The following PTGER3 variants were observed in gnomAD, a reference collection of about 807,000 sequenced individuals.
PTGER3 encodes prostaglandin E2 receptor EP3 subtype.
PTGER3 carries 22 observed loss-of-function variants against 34.7 expected under a neutral mutation model. The ratio of observed to expected loss-of-function variants is 0.63; its 90% CI spans 0.45 to 0.91. PTGER3 has a LOEUF of 0.91. Among genes scored for constraint, PTGER3 ranks in the 40% least tolerant of loss-of-function variants. The pLI is 0.00. For synonymous variants in PTGER3, 241 were observed against 230.1 expected (o/e 1.05, Z -0.43); for missense variants, 468 against 519.4 (o/e 0.90, Z 0.96).
chr1:70,973,888 T>C (rs1653401614), intron 3 of PTGER3, among the ~76,000 whole-genome samples: 1 of 152,204 alleles, frequency 6.6e-6, no homozygotes, highest in Admixed American at 6.5e-5. Context: ...TTATTCAAAA[T>C]AGATCTAATC....
intron 4 of PTGER3, among the ~76,000 whole-genome samples, chr1:70,944,590 G>C (rs916940453): frequency 6.6e-6 from 1 of 152,070 alleles, no homozygotes; most frequent in Non-Finnish European, 1.5e-5. Flanking sequence ...AAAAAGTCCA[G>C]ATAAACATGG....
chr1:70,924,746 G>A (rs961898057), intron 4 of PTGER3, among the ~76,000 whole-genome samples: 1 of 152,048 alleles, frequency 6.6e-6, no homozygotes, highest in East Asian at 1.9e-4. Context: ...AAATTAAATG[G>A]CTGCTCTGTC....
intron 4 of PTGER3, among the ~76,000 whole-genome samples, chr1:70,938,212 T>C (rs1649419257): frequency 6.6e-6 from 1 of 152,148 alleles, no homozygotes; most frequent in South Asian, 2.1e-4. Context: ...CATCAGAAGC[T>C]AATACATCAA....
rs747095685 is a variant in PTGER3 at position 70,852,832 on chromosome 1, G to C, written c.*51C>G. 4 of 1,613,192 alleles carry C rather than the reference G, an allele frequency of 2.5e-6. No individual in the cohort carries two copies. In the Admixed American group the frequency reaches 5.0e-5, roughly 20 times the overall value. Reference sequence around the variant, plus strand: ...CCAGTGATGTGATCCTGGCAGAAAGGCAGGTTTTAATTTCCCCAAAATTCC... The same window carrying C: ...CCAGTGATGTGATCCTGGCAGAAAGCCAGGTTTTAATTTCCCCAAAATTCC... On this transcript the variant is annotated 3_prime_UTR_variant, in exon 5 of 5. Transcript: ENST00000370931.
intron 4 of PTGER3, among the ~76,000 whole-genome samples, chr1:70,886,926 C>A (rs1646511058): frequency 1.3e-5 from 2 of 152,186 alleles, no homozygotes; most frequent in Non-Finnish European, 2.9e-5. Context: ...CTTCTCCTCA[C>A]TGCTTAGAAG....
intron 4 of PTGER3, among the ~76,000 whole-genome samples, chr1:70,875,986 CT>C (rs1471175030): frequency 6.6e-6 from 1 of 152,116 alleles, no homozygotes; most frequent in Non-Finnish European, 1.5e-5. Flanking sequence ...ATTGATAATT[CT>C]GTTTTAAGTT....
chr1:70,976,672 T>C (rs1653736337), intron 2 of PTGER3, among the ~76,000 whole-genome samples: 1 of 152,166 alleles, frequency 6.6e-6, no homozygotes, highest in Non-Finnish European at 1.5e-5. Context: ...AGTTTCCCAT[T>C]TCTAAAAGAT....
At chr1:71,033,827 C>T (rs1433227908) in intron 1 of PTGER3, among the ~76,000 whole-genome samples, 1 of 152,088 alleles carries the variant, frequency 6.6e-6, no homozygotes, top group Non-Finnish European at 1.5e-5. Context: ...CAATAAGTGT[C>T]TGCTAAATAA....
At chr1:70,866,232 T>C (rs993604939) in intron 4 of PTGER3, among the ~76,000 whole-genome samples, 6 of 152,294 alleles carry the variant, frequency 3.9e-5, no homozygotes, top group Admixed American at 2.6e-4. Flanking sequence ...GTAGGAAACA[T>C]TGAGTATCAT....
chr1:70,865,895 A>G, intron 4 of PTGER3: 1 of 1,095,322 alleles, frequency 9.1e-7, no homozygotes, highest in African/African-American at 1.6e-5. Context: ...CTAGAGCCAC[A>G]TCACAGAAAC....
chr1:70,918,511 A>G (rs185704024), intron 4 of PTGER3, among the ~76,000 whole-genome samples: 76 of 152,140 alleles, frequency 5.0e-4, no homozygotes, highest in Non-Finnish European at 8.8e-5. Context: ...TTTTTCCCAA[A>G]CAAGAATCTA....
chr1:71,047,286 T>A lies in PTGER3; in HGVS notation c.292A>T (p.Thr98Ser). 6.3e-7 allele frequency: 1 copy of A among 1,598,142 alleles called. No individual in the cohort carries two copies. Among genetic ancestry groups the A allele is most frequent in the East Asian group, 2.3e-5 (1 of 44,188 alleles). Residue 98 changes from threonine (T) to serine (S), a missense_variant, in exon 1 of 4, where the codon ACC becomes TCC. Physicochemically the swap from Thr to Ser is moderately conservative, Grantham distance 58. This residue lies in a region of PTGER3 where 53 missense variants were observed against 93.9 expected (regional missense o/e 0.56). Transcript: ENST00000306666. Reference protein sequence around the residue: ...FLLCIGWLALTDLVGQLLTTP... With the variant: ...FLLCIGWLALSDLVGQLLTTP... ...GTGAGAAGCTGCCCGACCAGGTCGG[T>A]GAGCGCCAGCCAGCCGATGCACAGC... is the stretch of plus-strand genomic sequence containing the variant.
chr1:70,896,588 C>T (rs570110001), intron 4 of PTGER3, among the ~76,000 whole-genome samples: 2 of 152,168 alleles, frequency 1.3e-5, no homozygotes, highest in Non-Finnish European at 2.9e-5. Context: ...ATTGTTACAG[C>T]AGCCCTAGGA....
chr1:70,884,021 A>T, intron 4 of PTGER3: 1 of 374,822 alleles, frequency 2.7e-6, no homozygotes, highest in Non-Finnish European at 5.3e-6. Flanking sequence ...GAGGAGGTGA[A>T]GGTTGCAGTG....
At chr1:70,953,800 G>T in intron 2 of PTGER3, 1 of 1,268,604 alleles carries the variant, frequency 7.9e-7, no homozygotes, top group Non-Finnish European at 1.1e-6. Flanking sequence ...CTGAAAAAGA[G>T]TAATAACAGT....
intron 1 of PTGER3, among the ~76,000 whole-genome samples, chr1:71,018,496 T>A (rs761266971): frequency 9.9e-5 from 15 of 152,186 alleles, no homozygotes; most frequent in Non-Finnish European, 1.9e-4. Flanking sequence ...TTTTATAAAC[T>A]ATTAGAAAAG....
chr1:71,010,334 T>A, intron 2 of PTGER3: 5 of 985,006 alleles, frequency 5.1e-6, no homozygotes, highest in Non-Finnish European at 6.0e-6. Context: ...TTTATCAGCC[T>A]GATGGACTGT....
At chr1:70,994,078 C>T (rs1263807239) in intron 2 of PTGER3, among the ~76,000 whole-genome samples, 2 of 152,164 alleles carry the variant, frequency 1.3e-5, no homozygotes, top group Non-Finnish European at 2.9e-5. Context: ...TTGCCAGTTG[C>T]TCTGTTCCTG....
intron 2 of PTGER3, among the ~76,000 whole-genome samples, chr1:70,993,071 C>T (rs1461129186): frequency 2.6e-5 from 4 of 152,186 alleles, no homozygotes; most frequent in African/African-American, 4.8e-5. Flanking sequence ...CCTCTTCTAA[C>T]AAGTATATCT....
Sources: allele counts gnomAD v4.1 joint callset (sites outside exome capture counted in the v4.1 genomes callset), GRCh38; gene constraint gnomAD v4.1.1; regional missense constraint gnomAD v4.1.1; transcripts MANE v1.5; gene names NCBI Gene and HGNC (gene_info 2026-07-23, HGNC 2026-07-21).